The following TMC2 variants were observed in gnomAD, a reference collection of about 807,000 sequenced individuals.
TMC2 encodes the protein transmembrane channel like 2, also known as transmembrane channel-like protein 2.
A neutral mutation model predicts 105.9 loss-of-function variants in TMC2; 102 were observed. The observed-to-expected ratio is 0.96, with a 90% CI of 0.82 to 1.14. The LOEUF is 1.14. Among genes scored for constraint, TMC2 ranks in the 50% most tolerant of loss-of-function variants. TMC2 has a pLI of 0.00. For missense variants in TMC2, 1,093 were observed against 1,134.3 expected, an observed-to-expected ratio of 0.96 and a Z score of 0.52; for synonymous variants, 402 against 422.8, an observed-to-expected ratio of 0.95 and a Z score of 0.60.
chr20:2,583,318 T>G (rs891990600), intron 7 of TMC2, among the ~76,000 whole-genome samples: 2 of 152,224 alleles, frequency 1.3e-5, no homozygotes, highest in Non-Finnish European at 2.9e-5. Flanking sequence ...CTCTGTTGAT[T>G]CCCTTCTTGG....
intron 3 of TMC2, among the ~76,000 whole-genome samples, chr20:2,561,147 T>C (rs1324469087): frequency 6.6e-6 from 1 of 152,236 alleles, no homozygotes; most frequent in Non-Finnish European, 1.5e-5. Context: ...GTTTTGAAAC[T>C]GATTTGATTT....
intron 2 of TMC2, among the ~76,000 whole-genome samples, chr20:2,540,750 A>G (rs894500528): frequency 2.6e-5 from 4 of 151,806 alleles, no homozygotes; most frequent in Non-Finnish European, 5.9e-5. Context: ...TGAAGCAATC[A>G]CAGCCAGTAT....
intron 2 of TMC2, among the ~76,000 whole-genome samples, chr20:2,551,815 T>C (rs1268258374): frequency 1.3e-5 from 2 of 152,256 alleles, no homozygotes; most frequent in Non-Finnish European, 2.9e-5. Flanking sequence ...CTGAGCTCTC[T>C]ATTCCATCCC....
Position 2,594,836 on chromosome 20 carries a change from G to C in TMC2, c.945G>C (p.Lys315Asn). Residue 315 changes from lysine to asparagine, a missense_variant, in exon 9 of 20, where the codon AAG (lysine) becomes AAC (asparagine). Physicochemically the swap from Lys to Asn is moderately conservative, Grantham distance 94. Transcript: ENST00000358864. ...TTGCTGTCCCCCAGGGCTATATCAA[G>C]TACTCTGCACTCTTCTATGGCTACT... ...SVLWDFEGYI[K>N]YSALFYGYYN... The C allele has an allele frequency of 6.2e-7, 1 of 1,614,102 alleles. No individual in the cohort carries two copies. The highest frequency in any genetic ancestry group is 8.5e-7 in the Non-Finnish European group (1 of 1,180,002).
intron 11 of TMC2, among the ~76,000 whole-genome samples, chr20:2,607,988 G>A (rs1460989158): frequency 6.6e-6 from 1 of 152,040 alleles, no homozygotes; most frequent in Admixed American, 6.6e-5. Flanking sequence ...GCTGGGCATG[G>A]TGGCGCATGC....
chr20:2,599,700 C>T (rs1260924743), intron 10 of TMC2, among the ~76,000 whole-genome samples: 1 of 152,040 alleles, frequency 6.6e-6, no homozygotes, highest in South Asian at 2.1e-4. Context: ...CCCTGGCCTC[C>T]CAAAGCACTG....
intron 5 of TMC2, among the ~76,000 whole-genome samples, chr20:2,576,675 C>T (rs2086146992): frequency 6.6e-6 from 1 of 152,140 alleles, no homozygotes; most frequent in Non-Finnish European, 1.5e-5. Context: ...ATAAGTGATG[C>T]AAGATGGAAA....
At chr20:2,602,041 C>A in intron 10 of TMC2, 72 bp from the exon 11 acceptor site, 1 of 1,072,974 alleles carries the variant, frequency 9.3e-7, no homozygotes, top group South Asian at 1.6e-5. Context: ...GTACTATTTT[C>A]AGGGACCCAA....
intron 2 of TMC2, among the ~76,000 whole-genome samples, chr20:2,549,882 G>A (rs2085946700): frequency 6.6e-6 from 1 of 151,880 alleles, no homozygotes; most frequent in Admixed American, 6.6e-5. Flanking sequence ...GAAAAATTTT[G>A]CCGAAATTAC....
intron 11 of TMC2, among the ~76,000 whole-genome samples, chr20:2,604,358 A>G (rs1021371123): frequency 3.3e-4 from 50 of 152,200 alleles, no homozygotes; most frequent in Admixed American, 9.2e-4. Context: ...AGTCCATTAT[A>G]TACATGCTTA....
chr20:2,606,335 C>T (rs934669579), intron 11 of TMC2, among the ~76,000 whole-genome samples: 1 of 152,198 alleles, frequency 6.6e-6, no homozygotes, highest in Non-Finnish European at 1.5e-5. Flanking sequence ...TCTTGGCTCA[C>T]TGCAACCTCC....
At chr20:2,593,631 T>C (rs2146211898) in intron 8 of TMC2, among the ~76,000 whole-genome samples, 1 of 152,304 alleles carries the variant, frequency 6.6e-6, no homozygotes, top group South Asian at 2.1e-4. Context: ...CAAAATGCGT[T>C]TTTCCATCTC....
Position 2,580,044 on chromosome 20 carries a change from C to A in TMC2, c.822C>A (p.Val274=). 2 of 1,607,896 alleles carry A rather than the reference C, an allele frequency of 1.2e-6. No homozygotes were observed. The highest frequency in any genetic ancestry group is 1.7e-6 in the Non-Finnish European group (2 of 1,174,460). ...TTTTTGGCTTAATATTTGGTCTAGT[C>A]ATAATCCCAGAGGTAAGAAAAGAAC... is the stretch of plus-strand genomic sequence containing the variant. ...LVLFGLIFGL[V]IIPEVLMGMP... is the part of the protein sequence containing the mutation. The change falls in exon 7 of 20, where the codon GTC becomes GTA. Residue 274 remains valine (V), a synonymous_variant. Transcript: ENST00000358864.
intron 2 of TMC2, among the ~76,000 whole-genome samples, chr20:2,546,776 T>C (rs1456063522): frequency 6.6e-6 from 1 of 152,148 alleles, no homozygotes; most frequent in African/African-American, 2.4e-5. Context: ...ACAAATAGTA[T>C]CTGTAGGTGA....
At chr20:2,575,675 T>A (rs1007365940) in intron 5 of TMC2, among the ~76,000 whole-genome samples, 1 of 152,196 alleles carries the variant, frequency 6.6e-6, no homozygotes, top group South Asian at 2.1e-4. Context: ...GTTCACATAG[T>A]TCTAGCTTCC....
chr20:2,596,557 C>T (rs1192000690), intron 9 of TMC2, among the ~76,000 whole-genome samples: 3 of 150,202 alleles, frequency 2.0e-5, no homozygotes, highest in Admixed American at 1.3e-4. Flanking sequence ...TGCTTAAACC[C>T]GGGAGGTGGA....
intron 2 of TMC2, among the ~76,000 whole-genome samples, chr20:2,544,046 C>T (rs938007843): frequency 1.7e-4 from 26 of 149,884 alleles, no homozygotes; most frequent in African/African-American, 5.9e-4. Context: ...GGACTACAGG[C>T]GCTCGCCACC....
chr20:2,593,829 T>C (rs1464577145), intron 8 of TMC2, among the ~76,000 whole-genome samples: 1 of 152,298 alleles, frequency 6.6e-6, no homozygotes, highest in East Asian at 1.9e-4. Flanking sequence ...TCATTCCCAG[T>C]GGAATAAAAT....
intron 2 of TMC2, among the ~76,000 whole-genome samples, chr20:2,537,558 G>C (rs1600090626): frequency 6.6e-6 from 1 of 152,192 alleles, no homozygotes; most frequent in East Asian, 1.9e-4. Flanking sequence ...GACACTCTGA[G>C]CTGAGCCTTG....
Sources: allele counts gnomAD v4.1 joint callset (sites outside exome capture counted in the v4.1 genomes callset), GRCh38; gene constraint gnomAD v4.1.1; transcripts MANE v1.5; gene names NCBI Gene and HGNC (gene_info 2026-07-23, HGNC 2026-07-21).